Variants in PDE11A observed in about 807,000 individuals in gnomAD.
PDE11A encodes the protein dual 3',5'-cyclic-AMP and -GMP phosphodiesterase 11A.
Under a neutral mutation model 100.5 loss-of-function variants are expected in PDE11A, and 100 were observed. The observed-to-expected ratio is 1.00, with a 90% CI of 0.85 to 1.18. The LOEUF (loss-of-function observed/expected upper bound fraction) is 1.18, where lower values mean the gene tolerates loss of function less well. PDE11A is among the 50% of genes most tolerant of loss of function. PDE11A has a pLI of 0.00. For synonymous variants in PDE11A, 381 were observed against 420.8 expected (o/e 0.91, Z 1.16); for missense variants, 1,141 against 1,152.6 (o/e 0.99, Z 0.15).
chr2:178,041,562 G>A (rs2086683805), intron 1 of PDE11A, among the ~76,000 whole-genome samples: 2 of 152,024 alleles, frequency 1.3e-5, no homozygotes, highest in Non-Finnish European at 2.9e-5. Context: ...TAAGAACCAC[G>A]TGACTTCTGC....
intron 1 of PDE11A, 85 bp downstream of exon 1, chr2:178,071,441 G>A (rs1293988222): frequency 1.5e-5 from 24 of 1,565,498 alleles, no homozygotes; most frequent in Non-Finnish European, 1.9e-5. Context: ...CTAAATTAAT[G>A]TGTTCCTGGA....
At chr2:178,034,991 A>G (rs2086593202) in intron 1 of PDE11A, among the ~76,000 whole-genome samples, 1 of 152,188 alleles carries the variant, frequency 6.6e-6, no homozygotes, top group African/African-American at 2.4e-5. Flanking sequence ...AAACACATTC[A>G]AAAGCTAGCA....
At chr2:177,852,443 C>G (rs2083730299) in intron 5 of PDE11A, among the ~76,000 whole-genome samples, 1 of 152,076 alleles carries the variant, frequency 6.6e-6, no homozygotes, top group South Asian at 2.1e-4. Context: ...GACTAGAGGT[C>G]AATCTGAGGT....
At chr2:177,713,954 C>T (rs979788363) in intron 12 of PDE11A, among the ~76,000 whole-genome samples, 3 of 143,238 alleles carry the variant, frequency 2.1e-5, no homozygotes, top group Non-Finnish European at 3.1e-5. Context: ...CACCTAAATT[C>T]GTAGTTTTCC....
chr2:178,060,261 T>G (rs540318093), intron 1 of PDE11A, among the ~76,000 whole-genome samples: 66 of 152,230 alleles, frequency 4.3e-4, no homozygotes, highest in Non-Finnish European at 7.4e-4. Context: ...CCACTGAGCT[T>G]TGGAAGGGTA....
chr2:177,768,428 TA>T (rs1244146349), intron 10 of PDE11A, among the ~76,000 whole-genome samples: 19 of 152,196 alleles, frequency 1.2e-4, no homozygotes, highest in Admixed American at 6.5e-5. Context: ...TACATTCTAA[TA>T]TTGCAGTATA....
At chr2:177,660,131 CATTCCTTCTCTCT>C (rs2080463645) in intron 19 of PDE11A, among the ~76,000 whole-genome samples, 1 of 72,156 alleles carries the variant, frequency 1.4e-5, no homozygotes. Context: ...TTCTTTCTTT[CATTCCTTCTCTCT>C]CTTTCTTTCT....
At chr2:177,785,673 A>G (rs1371128077) in intron 9 of PDE11A, among the ~76,000 whole-genome samples, 2 of 152,102 alleles carry the variant, frequency 1.3e-5, no homozygotes, top group Non-Finnish European at 1.5e-5. Flanking sequence ...AAATCGGGTC[A>G]CTCCCACCCT....
At chr2:177,790,207 C>T (rs1053961621) in intron 9 of PDE11A, among the ~76,000 whole-genome samples, 2 of 147,400 alleles carry the variant, frequency 1.4e-5, no homozygotes, top group East Asian at 2.0e-4. Flanking sequence ...ATCAATGGAA[C>T]AGAACAGAGC....
rs555759156 is a variant in PDE11A at position 177,782,354 on chromosome 2, C to T, written c.1738-12981G>A. ...GGTTTGTGTTTAAACCATTAAGTTG[C>T]CAAAAAGTGGTTAAAAAGCAATAAA... On this transcript the variant is annotated intron_variant, in intron 9 of 19. Transcript: ENST00000286063. Among the ~76,000 whole-genome samples the T allele has an allele frequency of 1.1e-4, 16 of 152,164 alleles. No individual in the cohort carries two copies. In the East Asian group the frequency reaches 2.5e-3, roughly 24 times the overall value.
At chr2:177,946,068 C>T (rs1265798304) in intron 2 of PDE11A, among the ~76,000 whole-genome samples, 6 of 137,798 alleles carry the variant, frequency 4.4e-5, no homozygotes, top group East Asian at 2.2e-4. Context: ...GTCAGCCCCC[C>T]GCCTGGCCAG....
rs144590658 is a variant in PDE11A, at chr2:177,779,825, G to A, written c.1738-10452C>T. Among the ~76,000 whole-genome samples, 1,165 of 152,222 alleles carry A rather than the reference G, an allele frequency of 7.7e-3. 3 individuals carry two copies. Among genetic ancestry groups the A allele is most frequent in the Middle Eastern group, 0.014 (4 of 292 alleles). ...ATGTTGATATTTTGACCTCCTCCAG[G>A]GAATCATAAATGTTCTTAATGGCAT... On this transcript the variant is annotated intron_variant, in intron 9 of 19. Coordinates refer to ENST00000286063, the MANE Select transcript of PDE11A (RefSeq NM_016953.4).
chr2:177,647,368 A>G (rs554205926), intron 19 of PDE11A, among the ~76,000 whole-genome samples: 4 of 152,296 alleles, frequency 2.6e-5, no homozygotes, highest in South Asian at 2.1e-4. Flanking sequence ...GTTTACAAAT[A>G]CAGAATTGCC....
intron 10 of PDE11A, among the ~76,000 whole-genome samples, chr2:177,740,254 C>A (rs759604580): frequency 3.3e-5 from 5 of 152,172 alleles, no homozygotes; most frequent in Non-Finnish European, 5.9e-5. Context: ...GAATAACCCA[C>A]ATACAAAGGT....
At chr2:178,084,708 T>C (rs1025016939) in intron 2 of PDE11A, among the ~76,000 whole-genome samples, 1 of 149,436 alleles carries the variant, frequency 6.7e-6, no homozygotes, top group Non-Finnish European at 1.5e-5. Flanking sequence ...GAAGTGAAAA[T>C]ACAAGCAAAA....
intron 18 of PDE11A, among the ~76,000 whole-genome samples, chr2:177,668,903 A>C (rs1389279439): frequency 1.3e-5 from 2 of 152,190 alleles, no homozygotes; most frequent in Non-Finnish European, 2.9e-5. Flanking sequence ...TGACTGACGC[A>C]GTTATGTCTT....
In PDE11A at chr2:177,897,101, T is replaced by C. The variant is rs544249685; in HGVS notation, c.1302+957A>G. ...AAAACAAACCCAAAGGCAAAGGGAA[T>C]AATCTTTTCTAAGTAAAGTGTGGCA... On this transcript the variant is annotated intron_variant, in intron 4 of 19. Coordinates refer to ENST00000286063, the MANE Select transcript of PDE11A (RefSeq NM_016953.4). Among the ~76,000 whole-genome samples, 6 of 152,302 alleles carry C rather than the reference T, an allele frequency of 3.9e-5. No homozygotes were observed. In the South Asian group the frequency reaches 1.2e-3, roughly 32 times the overall value.
intron 12 of PDE11A, among the ~76,000 whole-genome samples, chr2:177,716,444 A>G (rs906658693): frequency 2.0e-5 from 3 of 152,122 alleles, no homozygotes; most frequent in Non-Finnish European, 4.4e-5. Context: ...TAAGTTATGA[A>G]CTATCCTCCC....
At chr2:177,785,053 G>A (rs975428290) in intron 9 of PDE11A, among the ~76,000 whole-genome samples, 2 of 152,234 alleles carry the variant, frequency 1.3e-5, no homozygotes, top group South Asian at 2.1e-4. Flanking sequence ...ACAATGGGGG[G>A]CCAGTATAGT....
Sources: gnomAD v4.1 joint callset for allele counts (sites outside exome capture counted in the v4.1 genomes callset) on GRCh38, gnomAD v4.1.1 for gene constraint, MANE v1.5 for transcripts, NCBI Gene and HGNC (gene_info 2026-07-23, HGNC 2026-07-21) for gene names.